TP63: variants seen among roughly 807,000 people sequenced by gnomAD.
The protein encoded by TP63 is tumor protein 63.
A neutral mutation model predicts 82.8 loss-of-function variants in TP63; 17 were observed. The ratio of observed to expected loss-of-function variants is 0.21; its 90% confidence interval spans 0.14 to 0.31. The LOEUF (loss-of-function observed/expected upper bound fraction) is 0.31. Among genes scored for constraint, TP63 ranks in the 10% least tolerant of loss-of-function variants. The pLI is 1.00. For missense variants in TP63, 648 were observed against 895.3 expected (o/e 0.72, Z 3.52); for synonymous variants, 330 against 321.7 (o/e 1.03, Z -0.28).
At position 189,829,149 on chromosome 3, in the gene TP63, G is replaced by T. The variant is rs189479894; in HGVS notation, c.579+20623G>T. On this transcript the variant is annotated intron_variant, in intron 4 of 13. Coordinates refer to ENST00000264731, the MANE Select transcript of TP63 (RefSeq NM_003722.5). Reference sequence around the variant, plus strand: ...CCCAAAGAAGGATTCAAAAATCTTGGCAGATACCATATTACCAAATCTAAC... The same window carrying T: ...CCCAAAGAAGGATTCAAAAATCTTGTCAGATACCATATTACCAAATCTAAC... Among the ~76,000 whole-genome samples the T allele has an allele frequency of 1.7e-3, 257 of 152,158 alleles. 2 individuals carry two copies. Among genetic ancestry groups the T allele is most frequent in the African/African-American group, 5.9e-3 (246 of 41,540 alleles).
At chr3:189,704,485 A>G (rs1003347062) in intron 1 of TP63, among the ~76,000 whole-genome samples, 3 of 152,216 alleles carry the variant, frequency 2.0e-5, no homozygotes, top group African/African-American at 7.2e-5. Context: ...CCTTCATACC[A>G]GGCTTAGACT....
intron 3 of TP63, among the ~76,000 whole-genome samples, chr3:189,786,482 C>T (rs558130418): frequency 3.1e-4 from 45 of 147,512 alleles, no homozygotes; most frequent in African/African-American, 1.1e-3. Flanking sequence ...CACACACACA[C>T]GCATGCACAA....
At chr3:189,678,904 G>C (rs1168663835) in intron 1 of TP63, among the ~76,000 whole-genome samples, 1 of 151,778 alleles carries the variant, frequency 6.6e-6, no homozygotes, top group Non-Finnish European at 1.5e-5. Flanking sequence ...TCTTAGTTTG[G>C]TTGTTATTGA....
rs142061343 is a variant in TP63 at position 189,765,728 on chromosome 3, C to T, written c.324+26954C>T. ...GATTTAAGGCGTGAGCCACCGCGCCCGGCCTGTCCTCTGCATTTTTAAAGG... is the reference window on the plus strand; with the variant it reads ...GATTTAAGGCGTGAGCCACCGCGCCTGGCCTGTCCTCTGCATTTTTAAAGG... On this transcript the variant is annotated intron_variant, in intron 3 of 13. Transcript: ENST00000264731. Among the ~76,000 whole-genome samples the T allele has an allele frequency of 9.9e-5, 15 of 151,738 alleles. No individual in the cohort carries two copies. In the East Asian group the frequency reaches 2.5e-3, roughly 26 times the overall value.
chr3:189,712,213 A>T (rs1416609221), intron 1 of TP63, among the ~76,000 whole-genome samples: 1 of 152,182 alleles, frequency 6.6e-6, no homozygotes, highest in Non-Finnish European at 1.5e-5. Flanking sequence ...GTAAACAACT[A>T]ACTACTGCAC....
chr3:189,596,907 G>C, the TP63 span, among the ~76,000 whole-genome samples: 1 of 152,066 alleles, frequency 6.6e-6, no homozygotes, highest in Non-Finnish European at 1.5e-5. Flanking sequence ...GCGAGACCAG[G>C]AGTCCACTGG....
intron 4 of TP63, among the ~76,000 whole-genome samples, 192 bp downstream of exon 4, chr3:189,808,718 C>A (rs1727206828): frequency 6.6e-6 from 1 of 152,208 alleles, no homozygotes; most frequent in Non-Finnish European, 1.5e-5. Context: ...ATTTAGGAAC[C>A]AAACGTCTGC....
chr3:189,638,527 A>G (rs1711532771), intron 1 of TP63, among the ~76,000 whole-genome samples: 2 of 152,262 alleles, frequency 1.3e-5, no homozygotes, highest in East Asian at 1.9e-4. Context: ...ACTCTTTTAC[A>G]CAGAGATATA....
chr3:189,739,452 C>T (rs1720822158), intron 3 of TP63, among the ~76,000 whole-genome samples: 1 of 152,176 alleles, frequency 6.6e-6, no homozygotes, highest in South Asian at 2.1e-4. Flanking sequence ...CTATCCAGGG[C>T]ACTTCCTACT....
intron 3 of TP63, among the ~76,000 whole-genome samples, chr3:189,766,518 C>T (rs545723555): frequency 3.9e-5 from 6 of 152,134 alleles, no homozygotes; most frequent in African/African-American, 1.4e-4. Context: ...AGGAGAAGTT[C>T]CTAACTCTTT....
intron 4 of TP63, among the ~76,000 whole-genome samples, chr3:189,852,508 A>G (rs1715773492): frequency 6.6e-6 from 1 of 152,212 alleles, no homozygotes; most frequent in Admixed American, 6.5e-5. Context: ...CCATGTATGT[A>G]TTTCATGTTA....
At chr3:189,813,262 G>A (rs374012754) in intron 4 of TP63, among the ~76,000 whole-genome samples, 26 of 152,126 alleles carry the variant, frequency 1.7e-4, no homozygotes, top group East Asian at 3.9e-4. Flanking sequence ...TCAGTCACCC[G>A]TGAAAAACTA....
At chr3:189,694,196 A>T (rs1298580390) in intron 1 of TP63, among the ~76,000 whole-genome samples, 3 of 152,192 alleles carry the variant, frequency 2.0e-5, no homozygotes, top group African/African-American at 7.2e-5. Flanking sequence ...AGAACAGTAT[A>T]CAATTTACAG....
intron 3 of TP63, among the ~76,000 whole-genome samples, chr3:189,770,910 A>C (rs1238007929): frequency 6.6e-6 from 1 of 152,192 alleles, no homozygotes; most frequent in Non-Finnish European, 1.5e-5. Context: ...TTATCCATCA[A>C]AAACAAACAA....
chr3:189,734,171 CTTTT>C (rs57302272), intron 1 of TP63, among the ~76,000 whole-genome samples: 1 of 84,654 alleles, frequency 1.2e-5, no homozygotes, highest in African/African-American at 4.3e-5. Context: ...TCCCTCCCTT[CTTTT>C]TTTTTTTTTT....
intron 3 of TP63, among the ~76,000 whole-genome samples, chr3:189,799,235 A>G (rs1726033156): frequency 6.6e-6 from 1 of 152,096 alleles, no homozygotes; most frequent in Non-Finnish European, 1.5e-5. Flanking sequence ...TAAACATACA[A>G]TCACAAACTG....
chr3:189,710,616 G>A (rs1718522850), intron 1 of TP63, among the ~76,000 whole-genome samples: 1 of 151,968 alleles, frequency 6.6e-6, no homozygotes, highest in Non-Finnish European at 1.5e-5. Context: ...TGCTAAAGAT[G>A]CGTTAAAGTG....
intron 3 of TP63, among the ~76,000 whole-genome samples, chr3:189,740,462 C>T (rs575697879): frequency 4.7e-5 from 7 of 149,318 alleles, no homozygotes; most frequent in Non-Finnish European, 8.8e-5. Flanking sequence ...TTTTCTCTTA[C>T]ACACTGAAGC....
intron 4 of TP63, among the ~76,000 whole-genome samples, chr3:189,837,138 A>G (rs1167110587): frequency 1.3e-5 from 2 of 152,140 alleles, no homozygotes; most frequent in Non-Finnish European, 2.9e-5. Context: ...TTCGCAGTCA[A>G]CAAAAGATGA....
Sources: gnomAD v4.1 joint callset for allele counts (sites outside exome capture counted in the v4.1 genomes callset) on GRCh38, gnomAD v4.1.1 for gene constraint, MANE v1.5 for transcripts, NCBI Gene and HGNC (gene_info 2026-07-23, HGNC 2026-07-21) for gene names.